SLC37A1: variants seen among roughly 807,000 people sequenced by gnomAD.
SLC37A1 encodes the protein solute carrier family 37 member 1.
A neutral mutation model predicts 75.3 loss-of-function variants in SLC37A1; 49 were observed. The ratio of observed to expected loss-of-function variants is 0.65; its 90% CI spans 0.52 to 0.83. The LOEUF (loss-of-function observed/expected upper bound fraction) is 0.83. Among genes scored for constraint, SLC37A1 ranks in the 40% least tolerant of loss-of-function variants. The pLI is 0.00. For missense variants in SLC37A1, 566 were observed against 695.0 expected, an observed-to-expected ratio of 0.81 and a Z score of 2.09; for synonymous variants, 268 against 292.1, an observed-to-expected ratio of 0.92 and a Z score of 0.84.
chr21:42,516,918 C>G (rs1267508107), intron 1 of SLC37A1, among the ~76,000 whole-genome samples: 1 of 152,206 alleles, frequency 6.6e-6, no homozygotes, highest in African/African-American at 2.4e-5. Context: ...TAGATCCAGA[C>G]CCATTCTGGA....
chr21:42,568,975 C>A (rs933393414), intron 17 of SLC37A1, among the ~76,000 whole-genome samples: 2 of 152,254 alleles, frequency 1.3e-5, no homozygotes, highest in African/African-American at 4.8e-5. Context: ...CTGTGGCCTT[C>A]CCTGAGCCCT....
chr21:42,532,942 T>A (rs1311811229), intron 3 of SLC37A1, among the ~76,000 whole-genome samples: 2 of 152,156 alleles, frequency 1.3e-5, no homozygotes, highest in African/African-American at 4.8e-5. Flanking sequence ...GACGGCAGAG[T>A]CACGTGACCG....
In SLC37A1 at chr21:42,564,793, G is replaced by A. The variant is rs759958093; in HGVS notation, c.1221G>A (p.Thr407=). The change falls in exon 14 of 20, where the codon ACG becomes ACA. Residue 407 remains threonine (T), a splice_region_variant and synonymous_variant. Transcript: ENST00000352133. ...CGLMLLLAAP[T]LYIFSTVSKM... is the part of the protein sequence containing the mutation. ...TGATGCTGCTGCTCGCGGCCCCCAC[G>A]GTCAGCCGTGCTGCCTTCCCTGGGC... 6 of 1,603,828 alleles carry A rather than the reference G, an allele frequency of 3.7e-6. No individual in the cohort carries two copies. The highest frequency in any genetic ancestry group is 1.1e-5 in the South Asian group (1 of 91,066).
chr21:42,578,465 G>A (rs375781203), intron 18 of SLC37A1, among the ~76,000 whole-genome samples: 9 of 152,238 alleles, frequency 5.9e-5, no homozygotes, highest in East Asian at 1.9e-4. Context: ...ATAATCATAG[G>A]CCTCTTCGGG....
At chr21:42,526,759 TG>T (rs2054806167) in intron 3 of SLC37A1, among the ~76,000 whole-genome samples, 1 of 152,188 alleles carries the variant, frequency 6.6e-6, no homozygotes, top group Non-Finnish European at 1.5e-5. Context: ...AATTCCCCCT[TG>T]GCCCCTGATA....
At position 42,547,176 on chromosome 21, in the gene SLC37A1, G is replaced by A. The variant is rs2055430984; in HGVS notation, c.768+36G>A. The A allele has an allele frequency of 6.2e-7, 1 of 1,613,734 alleles. No individual in the cohort carries two copies. The highest frequency in any genetic ancestry group is 8.5e-7 in the Non-Finnish European group (1 of 1,179,608). The stretch of plus-strand genomic sequence containing the variant: ...TGTTTTCTTGTCCTTTTCTAGAACA[G>A]TGTGCGGTTCTGACCACTTCCCCAG... On this transcript the variant is annotated intron_variant, in intron 9 of 19. Transcript: ENST00000352133. This position sits in a 1 kb window ranked among gnomAD's most constrained non-coding sequence, Gnocchi z 6.1.
chr21:42,502,578 T>C (rs1487585725), intron 2 of SLC37A1: 1 of 152,244 alleles, frequency 6.6e-6, no homozygotes, highest in Non-Finnish European at 1.5e-5. Context: ...TTTAGATTAG[T>C]TTTTTGCAGG....
At position 42,547,399 on chromosome 21, in the gene SLC37A1, G is replaced by T. The variant is rs994083075; in HGVS notation, c.768+259G>T. On this transcript the variant is annotated intron_variant, in intron 9 of 19. Transcript: ENST00000352133. This position sits in a 1 kb window ranked among gnomAD's most constrained non-coding sequence, Gnocchi z 6.1. ...CATGCTAAGGGGAACCAAAGGCTGGGCCCTGGCCAGGCCTCCTCAGGAGTG... is the reference window on the plus strand; with the variant it reads ...CATGCTAAGGGGAACCAAAGGCTGGTCCCTGGCCAGGCCTCCTCAGGAGTG... The T allele has an allele frequency of 6.2e-5, 27 of 433,080 alleles. No homozygotes were observed. Among genetic ancestry groups the T allele is most frequent in the African/African-American group, 5.2e-4 (26 of 49,708 alleles). 26.8% of individuals were successfully genotyped at this position (433,080 alleles called of 1,614,324 possible).
intron 1 of SLC37A1, among the ~76,000 whole-genome samples, chr21:42,500,894 C>T (rs999598007): frequency 2.0e-5 from 3 of 152,190 alleles, no homozygotes; most frequent in Admixed American, 6.5e-5. Context: ...GATACACACA[C>T]GCCCATACCT....
chr21:42,568,561 A>C (rs1331202730), intron 17 of SLC37A1, 123 bp downstream of exon 17: 20 of 936,000 alleles, frequency 2.1e-5, no homozygotes, highest in Non-Finnish European at 3.2e-5. Flanking sequence ...CCGGCTTCTT[A>C]CTATACGAGC....
At chr21:42,522,894 C>T (rs765704801) in intron 2 of SLC37A1, among the ~76,000 whole-genome samples, 8 of 152,246 alleles carry the variant, frequency 5.3e-5, no homozygotes, top group African/African-American at 7.2e-5. Flanking sequence ...CATCTCTAGG[C>T]GTGTGCTGTG....
At chr21:42,568,161 A>G (rs2056027979) in intron 16 of SLC37A1, among the ~76,000 whole-genome samples, 199 bp from the exon 17 acceptor site, 1 of 152,232 alleles carries the variant, frequency 6.6e-6, no homozygotes, top group Admixed American at 6.5e-5. Context: ...AGAACCAAGC[A>G]TTTCTGATGA....
At chr21:42,523,777 C>T (rs2054712198) in intron 2 of SLC37A1, among the ~76,000 whole-genome samples, 1 of 152,356 alleles carries the variant, frequency 6.6e-6, no homozygotes, top group African/African-American at 2.4e-5. Flanking sequence ...TGTCTTCAGT[C>T]AGCAGGTATT....
At chr21:42,531,895 G>A (rs954535061) in intron 3 of SLC37A1, among the ~76,000 whole-genome samples, 3 of 152,194 alleles carry the variant, frequency 2.0e-5, no homozygotes, top group African/African-American at 7.2e-5. Context: ...TGCGGGGTGC[G>A]GGTGAAGGTG....
intron 11 of SLC37A1, chr21:42,561,835 C>T: frequency 2.1e-6 from 1 of 466,026 alleles, no homozygotes; most frequent in African/African-American, 1.9e-5. Context: ...GGGGCCCCAC[C>T]CTTCTCAGAG....
At chr21:42,535,424 A>G in intron 4 of SLC37A1, 48 bp from the exon 5 acceptor site, 1 of 1,521,492 alleles carries the variant, frequency 6.6e-7, no homozygotes, top group Non-Finnish European at 9.1e-7. Context: ...TCTAGAACAT[A>G]AACTAAACAA....
At position 42,568,381 on chromosome 21, in the gene SLC37A1, G is replaced by C. The variant is rs773283784; in HGVS notation, c.1366G>C (p.Gly456Arg). Residue 456 changes from glycine (G) to arginine (R), a missense_variant, in exon 17 of 20, where the codon GGC (glycine) becomes CGC (arginine). Physicochemically the swap from Gly to Arg is moderately radical, Grantham distance 125. Coordinates refer to ENST00000352133, the MANE Select transcript of SLC37A1 (RefSeq NM_001320537.2). The stretch of plus-strand genomic sequence containing the variant: ...CTAGGGGACTCATAAAAGTCTGAAA[G>C]GCAACGCGCACGCCCTCTCCACCGT... Reference protein sequence around the residue: ...ADLGTHKSLKGNAHALSTVTA... With the variant: ...ADLGTHKSLKRNAHALSTVTA... The C allele has an allele frequency of 1.1e-5, 18 of 1,614,128 alleles. No homozygotes were observed. In the South Asian group the frequency reaches 2.0e-4, roughly 18 times the overall value.
At chr21:42,561,998 C>T (rs1464274434) in intron 11 of SLC37A1, 80 bp from the exon 12 acceptor site, 5 of 1,164,684 alleles carry the variant, frequency 4.3e-6, no homozygotes, top group Non-Finnish European at 6.5e-6. Flanking sequence ...GGAGCGAAGT[C>T]ATATTTAACT....
At chr21:42,505,850 T>C (rs1267763260) in intron 2 of SLC37A1, among the ~76,000 whole-genome samples, 1 of 152,242 alleles carries the variant, frequency 6.6e-6, no homozygotes, top group Non-Finnish European at 1.5e-5. Context: ...TTCTCTGTAG[T>C]TTTGTACCAA....
Sources: gnomAD v4.1 joint callset for allele counts (sites outside exome capture counted in the v4.1 genomes callset) on GRCh38, gnomAD v4.1.1 for gene constraint, Gnocchi (gnomAD v3.1) non-coding constraint, MANE v1.5 for transcripts, NCBI Gene and HGNC (gene_info 2026-07-23, HGNC 2026-07-21) for gene names.